The following NEK10 variants were observed in gnomAD, a reference collection of about 807,000 sequenced individuals.
The protein encoded by NEK10 is NIMA related kinase 10, also known as serine/threonine-protein kinase Nek10.
Under a neutral mutation model 159.8 loss-of-function variants are expected in NEK10, and 122 were observed. The ratio of observed to expected loss-of-function variants is 0.76; its 90% confidence interval spans 0.66 to 0.89. The LOEUF (loss-of-function observed/expected upper bound fraction) is 0.89. Among genes scored for constraint, NEK10 ranks in the 40% least tolerant of loss-of-function variants. The probability of loss-of-function intolerance (pLI) is 0.00; values close to 1 mark genes in which losing one functional copy is unlikely to be tolerated. For missense variants in NEK10, 1,342 were observed against 1,323.1 expected, an observed-to-expected ratio of 1.01 and a Z score of -0.22; for synonymous variants, 466 against 457.1, an observed-to-expected ratio of 1.02 and a Z score of -0.25.
chr3:27,344,482 C>T (rs1485237001), intron 4 of NEK10, 112 bp from the exon 5 acceptor site: 5 of 575,120 alleles, frequency 8.7e-6, no homozygotes, highest in African/African-American at 1.9e-5. Context: ...TATTACTAAC[C>T]ACTATACTAA....
chr3:27,182,040 G>A (rs1948164042), intron 26 of NEK10, among the ~76,000 whole-genome samples: 1 of 151,958 alleles, frequency 6.6e-6, no homozygotes, highest in Non-Finnish European at 1.5e-5. Flanking sequence ...GGACTTACAG[G>A]GCTTGTTTTG....
At chr3:27,175,591 G>A (rs1575111383) in intron 26 of NEK10, among the ~76,000 whole-genome samples, 1 of 152,198 alleles carries the variant, frequency 6.6e-6, no homozygotes, top group African/African-American at 2.4e-5. Flanking sequence ...GAAAGACCGT[G>A]CGGAAGGAAT....
At chr3:27,195,105 G>A (rs187641905) in intron 25 of NEK10, among the ~76,000 whole-genome samples, 6 of 152,250 alleles carry the variant, frequency 3.9e-5, no homozygotes, top group Admixed American at 3.9e-4. Flanking sequence ...AAAATAATGA[G>A]AAGATAGTAA....
At chr3:27,308,873 C>G in intron 10 of NEK10, 53 bp downstream of exon 10, 2 of 796,680 alleles carry the variant, frequency 2.5e-6, no homozygotes, top group Non-Finnish European at 4.1e-6. Context: ...ATCCTTACCA[C>G]CTAAATTGCT....
Position 27,297,191 on chromosome 3 carries a change from G to C in NEK10, c.1218C>G (p.His406Gln). 6.2e-7 allele frequency: 1 copy of C among 1,612,476 alleles called. No homozygotes were observed. Among genetic ancestry groups the C allele is most frequent in the Non-Finnish European group, 8.5e-7 (1 of 1,178,530 alleles). Residue 406 changes from histidine (H) to glutamine (Q), a missense_variant, in exon 14 of 36, where the codon CAC (histidine) becomes CAG (glutamine). Physicochemically the swap from His to Gln is conservative, Grantham distance 24 (BLOSUM62 0). Coordinates refer to ENST00000691995, the MANE Select transcript of NEK10 (RefSeq NM_001394966.1). ...TELVLNDTNA[H>Q]QVVQENGVYT... is the part of the protein sequence containing the mutation. Reference sequence around the variant, plus strand: ...GGAGTGCTCTCACCTGAACCACCTGGTGGGCATTGGTGTCATTGAGCACCA... The same window carrying C: ...GGAGTGCTCTCACCTGAACCACCTGCTGGGCATTGGTGTCATTGAGCACCA...
At chr3:27,359,046 A>T (rs528571800) in intron 1 of NEK10, among the ~76,000 whole-genome samples, 37 of 152,248 alleles carry the variant, frequency 2.4e-4, no homozygotes, top group African/African-American at 8.4e-4. Context: ...TACTAAAAAC[A>T]CAAAAATTAG....
chr3:27,221,143 A>C (rs536968356), intron 23 of NEK10, among the ~76,000 whole-genome samples: 3 of 152,326 alleles, frequency 2.0e-5, no homozygotes, highest in South Asian at 4.1e-4. Flanking sequence ...CTTAAGCACA[A>C]GCAACCAAAT....
intron 23 of NEK10, among the ~76,000 whole-genome samples, chr3:27,211,281 C>T (rs1950989695): frequency 6.6e-6 from 1 of 152,108 alleles, no homozygotes; most frequent in Non-Finnish European, 1.5e-5. Context: ...AAGTACTATA[C>T]AAATGCAAAG....
At chr3:27,194,052 A>G (rs1194133773) in intron 25 of NEK10, 1 of 151,902 alleles carries the variant, frequency 6.6e-6, no homozygotes, top group African/African-American at 2.4e-5. Flanking sequence ...TCCCAGGAAC[A>G]TTTCCTACCA....
intron 32 of NEK10, among the ~76,000 whole-genome samples, chr3:27,121,181 C>T (rs1232459784): frequency 6.6e-6 from 1 of 151,926 alleles, no homozygotes; most frequent in Non-Finnish European, 1.5e-5. Flanking sequence ...TAGAAAAACC[C>T]CAATTGTCCG....
intron 22 of NEK10, among the ~76,000 whole-genome samples, chr3:27,259,571 G>C (rs150108169): frequency 0.13 from 19,412 of 152,104 alleles, 3,060 homozygotes; most frequent in African/African-American, 0.37. Flanking sequence ...CTGTTCCATT[G>C]GTCTGTATCT....
intron 5 of NEK10, among the ~76,000 whole-genome samples, chr3:27,324,107 T>A (rs1408819117): frequency 6.6e-6 from 1 of 152,160 alleles, no homozygotes; most frequent in Non-Finnish European, 1.5e-5. Context: ...GTAGGGATAG[T>A]CTATGCTCTT....
chr3:27,121,108 T>C (rs989783014), intron 32 of NEK10, among the ~76,000 whole-genome samples: 3 of 152,208 alleles, frequency 2.0e-5, no homozygotes, highest in African/African-American at 7.2e-5. Context: ...TAAGTGCATA[T>C]GTCCCATCAA....
intron 22 of NEK10, among the ~76,000 whole-genome samples, chr3:27,277,084 A>G (rs2041826038): frequency 6.6e-6 from 1 of 151,524 alleles, no homozygotes; most frequent in Non-Finnish European, 1.5e-5. Flanking sequence ...GGAGAAGACA[A>G]TTTTTTTTTC....
At chr3:27,271,842 C>T (rs1409851875) in intron 22 of NEK10, among the ~76,000 whole-genome samples, 1 of 147,206 alleles carries the variant, frequency 6.8e-6, no homozygotes, top group African/African-American at 2.4e-5. Context: ...ATTTTGCATA[C>T]AGCACATTAT....
chr3:27,298,805 G>A (rs1447121422), intron 13 of NEK10, among the ~76,000 whole-genome samples: 2 of 152,152 alleles, frequency 1.3e-5, no homozygotes, highest in South Asian at 2.1e-4. Context: ...CAAAGAGATT[G>A]GTGGCATTTT....
At position 27,307,897 on chromosome 3, in the gene NEK10, C is replaced by T; in HGVS notation, c.765G>A (p.Leu255=). The part of the protein sequence containing the change: ...KISELNIVEN[L]LMILHEYDLL... Reference sequence around the variant, plus strand: ...AGTCATATTCATGTAAAATCATCAACAGATTTTCTACAATGTTGAGTTCAC... The same window carrying T: ...AGTCATATTCATGTAAAATCATCAATAGATTTTCTACAATGTTGAGTTCAC... Residue 255 remains leucine, a synonymous_variant, in exon 11 of 36, where the codon CTG becomes CTA. Transcript: ENST00000691995. The T allele has an allele frequency of 6.4e-7, 1 of 1,570,270 alleles. No homozygotes were observed. The highest frequency in any genetic ancestry group is 8.8e-7 in the Non-Finnish European group (1 of 1,140,932).
intron 5 of NEK10, among the ~76,000 whole-genome samples, chr3:27,336,956 A>G (rs1316638417): frequency 6.6e-6 from 1 of 152,096 alleles, no homozygotes; most frequent in East Asian, 1.9e-4. Context: ...GCACCACTCA[A>G]ATTCAACATA....
intron 22 of NEK10, among the ~76,000 whole-genome samples, chr3:27,261,104 TTC>T (rs1449525542): frequency 6.6e-6 from 1 of 152,222 alleles, no homozygotes; most frequent in Non-Finnish European, 1.5e-5. Flanking sequence ...TATTTGATTC[TTC>T]TCTCTTTTCT....
Sources: allele counts gnomAD v4.1 joint callset (sites outside exome capture counted in the v4.1 genomes callset), GRCh38; gene constraint gnomAD v4.1.1; transcripts MANE v1.5; gene names NCBI Gene and HGNC (gene_info 2026-07-23, HGNC 2026-07-21).